Variants in SGK1 observed in about 807,000 individuals in gnomAD.
The protein encoded by SGK1 is serum/glucocorticoid regulated kinase 1.
In SGK1, 26 loss-of-function variants were observed where a neutral mutation model predicts 64.2. The ratio of observed to expected loss-of-function variants is 0.40; its 90% CI spans 0.30 to 0.56. The LOEUF (loss-of-function observed/expected upper bound fraction) is 0.56. Ranked by LOEUF, SGK1 falls within the 20% of genes least tolerant of loss-of-function variation. The pLI, the probability that SGK1 is intolerant of heterozygous loss-of-function variation, is 0.38. For missense variants in SGK1, 519 were observed against 645.6 expected, an observed-to-expected ratio of 0.80 and a Z score of 2.12; for synonymous variants, 265 against 239.7, an observed-to-expected ratio of 1.11 and a Z score of -0.98.
intron 3 of SGK1, among the ~76,000 whole-genome samples, chr6:134,192,942 T>C (rs1361919841): frequency 6.6e-6 from 1 of 152,234 alleles, no homozygotes; most frequent in Non-Finnish European, 1.5e-5. Flanking sequence ...TAGCCTGTTT[T>C]CATTATTAGT....
At chr6:134,229,799 G>C (rs1776248452) in intron 2 of SGK1, among the ~76,000 whole-genome samples, 1 of 152,118 alleles carries the variant, frequency 6.6e-6, no homozygotes, top group African/African-American at 2.4e-5. Context: ...ATTTTCTGTA[G>C]AGAATAGTCA....
At chr6:134,251,453 T>C (rs979806500) in intron 2 of SGK1, among the ~76,000 whole-genome samples, 8 of 152,182 alleles carry the variant, frequency 5.3e-5, no homozygotes, top group African/African-American at 1.9e-4. Flanking sequence ...TTTGGTTACA[T>C]ACAACAAAAG....
At chr6:134,275,898 C>G (rs1582758102) in intron 1 of SGK1, among the ~76,000 whole-genome samples, 1 of 152,206 alleles carries the variant, frequency 6.6e-6, no homozygotes, top group East Asian at 1.9e-4. Context: ...CTTACCCATT[C>G]TTTCATCCAT....
intron 1 of SGK1, among the ~76,000 whole-genome samples, chr6:134,301,961 C>G (rs1407283223): frequency 2.0e-5 from 3 of 152,048 alleles, no homozygotes; most frequent in Non-Finnish European, 4.4e-5. Context: ...AAATACGAAA[C>G]AAAAGAGCTT....
Position 134,263,092 on chromosome 6 carries a change from A to G in SGK1, c.70-944T>C, listed in dbSNP as rs150490247. Among the ~76,000 whole-genome samples, 3 of 152,220 alleles carry G rather than the reference A, an allele frequency of 2.0e-5. 1 individual carries two copies. The East Asian group carries it at 5.8e-4, about 29-fold the overall frequency. On this transcript the variant is annotated intron_variant, in intron 1 of 13. Coordinates refer to ENST00000367858, the MANE Select transcript of SGK1 (RefSeq NM_001143676.3). ...GTTTGGTGCCCAATAGATAGTGACT[A>G]TTTTACTTTGACCCTTATTATTATG...
intron 3 of SGK1, among the ~76,000 whole-genome samples, chr6:134,202,649 A>C (rs1775704952): frequency 6.6e-6 from 1 of 152,148 alleles, no homozygotes; most frequent in Non-Finnish European, 1.5e-5. Context: ...TTCTATCTCA[A>C]AAAAATAATA....
intron 2 of SGK1, among the ~76,000 whole-genome samples, chr6:134,234,649 G>A (rs1389935173): frequency 6.6e-6 from 1 of 152,060 alleles, no homozygotes; most frequent in Non-Finnish European, 1.5e-5. Context: ...GGCCGGGGCG[G>A]GTGGATCACC....
intron 2 of SGK1, among the ~76,000 whole-genome samples, chr6:134,232,441 A>G (rs184100848): frequency 0.029 from 1,390 of 48,348 alleles, 116 homozygotes; most frequent in African/African-American, 0.094. Flanking sequence ...GAAAGAAAGA[A>G]AGAAAGAAAG....
intron 2 of SGK1, among the ~76,000 whole-genome samples, chr6:134,256,145 T>C (rs1312519867): frequency 6.6e-6 from 1 of 152,162 alleles, no homozygotes; most frequent in African/African-American, 2.4e-5. Flanking sequence ...TTTCCTTGTA[T>C]TAGACTTTAT....
intron 2 of SGK1, among the ~76,000 whole-genome samples, chr6:134,252,689 A>T (rs1204170451): frequency 6.6e-6 from 1 of 150,890 alleles, no homozygotes; most frequent in African/African-American, 2.4e-5. Context: ...GAAATAATTC[A>T]TCTAAGTTTA....
At chr6:134,258,413 A>T (rs923849211) in intron 2 of SGK1, among the ~76,000 whole-genome samples, 19 of 151,624 alleles carry the variant, frequency 1.3e-4, no homozygotes, top group Admixed American at 7.2e-4. Context: ...TAATAATAAT[A>T]AAAAAAACCC....
In SGK1 at chr6:134,307,858, C is replaced by T. The variant is rs540439852; in HGVS notation, c.69+9534G>A. Among the ~76,000 whole-genome samples the T allele has an allele frequency of 2.6e-5, 4 of 152,268 alleles. No homozygotes were observed. The South Asian group carries it at 8.3e-4, about 32-fold the overall frequency. ...CCACCAAGTAATGATATCATAATTA[C>T]ACATGGTAGCTCTTCCCCAAGACCC... On this transcript the variant is annotated intron_variant, in intron 1 of 13. Transcript: ENST00000367858.
intron 3 of SGK1, among the ~76,000 whole-genome samples, chr6:134,175,373 C>T (rs1775198877): frequency 6.6e-6 from 1 of 152,046 alleles, no homozygotes; most frequent in Admixed American, 6.5e-5. Context: ...CGCCACCCTC[C>T]GGGGTTTATC....
chr6:134,173,389 T>C, intron 6 of SGK1, 32 bp from the exon 7 acceptor site: 1 of 1,595,302 alleles, frequency 6.3e-7, no homozygotes, highest in Non-Finnish European at 8.6e-7. Flanking sequence ...ATCATTTTTC[T>C]ATCCTCATCC....
In SGK1 at chr6:134,305,363, C is replaced by CAAA. The variant is rs34637536; in HGVS notation, c.69+12026_69+12028dup. Among the ~76,000 whole-genome samples, 407 of 65,574 alleles carry CAAA rather than the reference C, an allele frequency of 6.2e-3. 9 individuals carry two copies. The highest frequency in any genetic ancestry group is 0.025 in the African/African-American group (379 of 15,048). The allele number at this position is 65,574 out of a possible 152,430, so 43.0% of individuals were successfully genotyped here. Reference sequence around the variant, plus strand: ...TGGGCAACAGAGTGATACTTCATCTCAAAAAAAAAAAAAAAAAAAAAAAGG... The same window carrying CAAA: ...TGGGCAACAGAGTGATACTTCATCTCAAAAAAAAAAAAAAAAAAAAAAAAAAGG... On this transcript the variant is annotated intron_variant, in intron 1 of 13. Transcript: ENST00000367858.
intron 2 of SGK1, among the ~76,000 whole-genome samples, chr6:134,241,496 CT>C (rs1776445903): frequency 6.6e-6 from 1 of 151,374 alleles, no homozygotes; most frequent in Non-Finnish European, 1.5e-5. Flanking sequence ...TGCTTTTGGT[CT>C]GATCTATCTG....
At chr6:134,235,517 G>A (rs1776347262) in intron 2 of SGK1, among the ~76,000 whole-genome samples, 1 of 133,754 alleles carries the variant, frequency 7.5e-6, no homozygotes, top group African/African-American at 2.7e-5. Flanking sequence ...GTTTTGACAA[G>A]GAGGAAGTGG....
chr6:134,213,844 CA>C (rs1562253041), intron 2 of SGK1, among the ~76,000 whole-genome samples: 1 of 151,360 alleles, frequency 6.6e-6, no homozygotes, highest in Non-Finnish European at 1.5e-5. Context: ...TGAGGAGGGG[CA>C]AAAACGTGAT....
At chr6:134,266,330 C>T (rs1776854332) in intron 1 of SGK1, among the ~76,000 whole-genome samples, 1 of 151,828 alleles carries the variant, frequency 6.6e-6, no homozygotes, top group South Asian at 2.1e-4. Context: ...TTTGTGAGGC[C>T]GGTTGTGGTG....
Sources: allele counts gnomAD v4.1 joint callset (sites outside exome capture counted in the v4.1 genomes callset), GRCh38; gene constraint gnomAD v4.1.1; transcripts MANE v1.5; gene names NCBI Gene and HGNC (gene_info 2026-07-23, HGNC 2026-07-21).